The following OPA1 variants were observed in gnomAD, a reference collection of about 807,000 sequenced individuals.
OPA1 encodes the protein OPA1 mitochondrial dynamin like GTPase.
Under a neutral mutation model 152.9 loss-of-function variants are expected in OPA1, and 59 were observed. The ratio of observed to expected loss-of-function variants is 0.39; its 90% CI spans 0.31 to 0.48. The LOEUF is 0.48. Ranked by LOEUF, OPA1 falls within the 20% of genes least tolerant of loss-of-function variation. OPA1 has a pLI of 0.96. For missense variants in OPA1, 1,008 were observed against 1,216.8 expected, an observed-to-expected ratio of 0.83 and a Z score of 2.55; for synonymous variants, 400 against 389.9, an observed-to-expected ratio of 1.03 and a Z score of -0.31.
At chr3:193,620,856 T>C (rs1038210259) in intron 6 of OPA1, among the ~76,000 whole-genome samples, 2 of 152,248 alleles carry the variant, frequency 1.3e-5, no homozygotes, top group Non-Finnish European at 2.9e-5. Flanking sequence ...TCAGCTAAAC[T>C]GAGTGATTTT....
intron 3 of OPA1, among the ~76,000 whole-genome samples, chr3:193,616,930 A>G (rs1365241626): frequency 6.6e-6 from 1 of 152,190 alleles, no homozygotes; most frequent in Non-Finnish European, 1.5e-5. Flanking sequence ...AAATTGATGT[A>G]TTTGCCAGTA....
chr3:193,671,082 G>A (rs1007865287), intron 29 of OPA1, among the ~76,000 whole-genome samples: 1 of 152,108 alleles, frequency 6.6e-6, no homozygotes, highest in Non-Finnish European at 1.5e-5. Flanking sequence ...ATATAAATAA[G>A]GGAATAAAAC....
chr3:193,659,511 C>G lies in OPA1; in HGVS notation c.2470C>G (p.Pro824Ala), dbSNP rs774613690. 1 of 1,611,294 alleles carries G rather than the reference C, an allele frequency of 6.2e-7. No homozygotes were observed. The highest frequency in any genetic ancestry group is 8.5e-7 in the Non-Finnish European group (1 of 1,178,700). ...AAATGCAATTGAAAACATGGTGGGT[C>G]CAGACTGGAAAAAGAGGTGGTTATA... is the stretch of plus-strand genomic sequence containing the variant. ...TENAIENMVG[P>A]DWKKRWLYWK... The change falls in exon 25 of 31, where the codon CCA becomes GCA. Residue 824 changes from proline to alanine, a missense_variant. By Grantham distance (27) the Pro-to-Ala change is conservative. Around this residue, in one of 7 missense-constraint regions of OPA1, gnomAD observed 229 missense variants for 269.0 expected, o/e 0.85. Transcript: ENST00000361510.
At chr3:193,664,133 A>G (rs1047855824) in intron 26 of OPA1, among the ~76,000 whole-genome samples, 1 of 152,080 alleles carries the variant, frequency 6.6e-6, no homozygotes, top group Admixed American at 6.6e-5. Flanking sequence ...AGGTTTTTTA[A>G]GTGACAGTTT....
rs538158463 is a variant in OPA1, at chr3:193,661,599, T to A, written c.2521-1223T>A. Among the ~76,000 whole-genome samples the A allele has an allele frequency of 5.9e-5, 9 of 152,354 alleles. No homozygotes were observed. The East Asian group carries it at 1.7e-3, about 29-fold the overall frequency. On this transcript the variant is annotated intron_variant, in intron 25 of 30. Transcript: ENST00000361510. ...ACTTAAAGATGAGAAATCCATTCTC[T>A]GAAAAGTATTTTGTGCTTTTGTGTT... is the stretch of plus-strand genomic sequence containing the variant.
In OPA1 at chr3:193,657,066, T is replaced by G; in HGVS notation, c.2179-14T>G. ...TAGTAATAATATGGCTTTTTTTCTTTCAAATAATTATAGGTTGCTTGGGAG... is the reference window on the plus strand; with the variant it reads ...TAGTAATAATATGGCTTTTTTTCTTGCAAATAATTATAGGTTGCTTGGGAG... On this transcript the variant is annotated splice_polypyrimidine_tract_variant and intron_variant, in intron 22 of 30. Transcript: ENST00000361510. 1 of 1,598,214 alleles carries G rather than the reference T, an allele frequency of 6.3e-7. No individual in the cohort carries two copies. Among genetic ancestry groups the G allele is most frequent in the African/African-American group, 1.4e-5 (1 of 73,900 alleles).
At chr3:193,666,240 A>G (rs1577331587) in intron 27 of OPA1, 56 bp from the exon 28 acceptor site, 2 of 1,446,148 alleles carry the variant, frequency 1.4e-6, no homozygotes, top group Admixed American at 1.7e-5. Flanking sequence ...TGTGTTTACG[A>G]TGATAGTTTT....
Position 193,652,200 on chromosome 3 carries a change from G to C in OPA1, c.2013-2662G>C, listed in dbSNP as rs576926979. ...ATTCAAGACCAACCTGGGCAACATG[G>C]TGAAAACCCTGTCTCTAATAAATAT... On this transcript the variant is annotated intron_variant, in intron 21 of 30. Transcript: ENST00000361510. Among the ~76,000 whole-genome samples, 15 of 152,170 alleles carry C rather than the reference G, an allele frequency of 9.9e-5. No individual in the cohort carries two copies. The South Asian group carries it at 1.0e-3, about 11-fold the overall frequency.
intron 29 of OPA1, chr3:193,668,502 C>G (rs1384379370): frequency 1.3e-6 from 2 of 1,550,144 alleles, no homozygotes; most frequent in Non-Finnish European, 1.7e-6. Context: ...TCCATCTCAT[C>G]CTTCCCACCC....
chr3:193,677,244 CTT>C (rs1359816966), intron 29 of OPA1, among the ~76,000 whole-genome samples: 8 of 146,642 alleles, frequency 5.5e-5, no homozygotes, highest in South Asian at 2.2e-4. Flanking sequence ...TGAAAATACT[CTT>C]AATGTATTCA....
In OPA1 at chr3:193,615,749, A is replaced by G; in HGVS notation, c.427A>G (p.Ile143Val). The G allele has an allele frequency of 6.2e-7, 1 of 1,608,200 alleles. No individual in the cohort carries two copies. The highest frequency in any genetic ancestry group is 8.5e-7 in the Non-Finnish European group (1 of 1,174,660). The change falls in exon 3 of 31, where the codon ATT (isoleucine) becomes GTT (valine). Residue 143 changes from isoleucine to valine, a missense_variant. Ile to Val is a conservative substitution (Grantham distance 29). Around this residue, in one of 7 missense-constraint regions of OPA1, gnomAD observed 408 missense variants for 395.1 expected, o/e 1.03. Transcript: ENST00000361510. ...KWIVPDIVWE[I>V]DEYIDFEKIR... ...GATTGTGCCTGACATTGTGTGGGAA[A>G]TTGATGAGTATATCGATTTTGGTTT...
chr3:193,634,260 T>TG (rs1553875840), intron 8 of OPA1, among the ~76,000 whole-genome samples: 1 of 146,644 alleles, frequency 6.8e-6, no homozygotes, highest in Non-Finnish European at 1.5e-5. Context: ...AGACGGAAAA[T>TG]GTGTAGACAA....
intron 8 of OPA1, among the ~76,000 whole-genome samples, chr3:193,633,363 C>G (rs993186315): frequency 6.6e-6 from 1 of 152,198 alleles, no homozygotes; most frequent in African/African-American, 2.4e-5. Context: ...TAGCACATCT[C>G]TTCAGGATGG....
In OPA1 at chr3:193,684,837, T is replaced by TATAAAA. The variant is rs1247191464; in HGVS notation, c.2984-7226_2984-7225insATAAAA. ...TTGCCATCCACTTAAGAAAGTTGAGTGGTCTAACAAGTATAAAAGCCTAAA... is the reference window on the plus strand; with the variant it reads ...TTGCCATCCACTTAAGAAAGTTGAGTATAAAAGGTCTAACAAGTATAAAAGCCTAAA... On this transcript the variant is annotated intron_variant, in intron 29 of 30. Coordinates refer to ENST00000361510, the MANE Select transcript of OPA1 (RefSeq NM_130837.3). Among the ~76,000 whole-genome samples, 119 of 152,196 alleles carry TATAAAA rather than the reference T, an allele frequency of 7.8e-4. 1 individual carries two copies. Among genetic ancestry groups the TATAAAA allele is most frequent in the African/African-American group, 2.8e-3 (115 of 41,516 alleles).
intron 1 of OPA1, among the ~76,000 whole-genome samples, chr3:193,604,869 A>AAAAAAAAG (rs1553867624): frequency 0.019 from 2,819 of 145,676 alleles, 135 homozygotes; most frequent in African/African-American, 0.07. Flanking sequence ...TCAAAAAAAA[A>AAAAAAAAG]AAAAAAGAAA....
In OPA1 at chr3:193,615,824, A is replaced by G. The variant is rs1003985532; in HGVS notation, c.448+54A>G. On this transcript the variant is annotated intron_variant, in intron 3 of 30. Transcript: ENST00000361510. ...TTTTGGTCATCTCGAGGAAAGAGAA[A>G]TAGTTTATTGAGATAGTTTCTTAAC... 21 of 992,968 alleles carry G rather than the reference A, an allele frequency of 2.1e-5. No homozygotes were observed. The African/African-American group carries it at 2.4e-4, about 11-fold the overall frequency. 61.5% of individuals were successfully genotyped at this position (992,968 alleles called of 1,614,324 possible).
intron 1 of OPA1, among the ~76,000 whole-genome samples, chr3:193,595,411 A>T (rs1725331987): frequency 1.3e-5 from 2 of 152,256 alleles, no homozygotes; most frequent in South Asian, 4.1e-4. Flanking sequence ...AATGAACAAG[A>T]GAGTAGATTT....
chr3:193,624,118 C>T (rs536031969), intron 6 of OPA1: 4 of 152,444 alleles, frequency 2.6e-5, no homozygotes, highest in South Asian at 2.1e-4. Context: ...GCAGTGAATT[C>T]GAGAGGAATT....
chr3:193,694,673 C>T lies in OPA1; in HGVS notation c.*73C>T, dbSNP rs1026824159. 3.9e-5 allele frequency: 6 copies of T among 152,326 alleles called. No homozygotes were observed. In the East Asian group the frequency reaches 9.6e-4, roughly 24 times the overall value. The allele number at this position is 152,326 out of a possible 1,614,324, so 9.4% of individuals were successfully genotyped here. ...AACATCAACGTCTTTTGTCCAGCCT[C>T]TTTTTCTTCTGCTGTTCCACCTTTC... On this transcript the variant is annotated 3_prime_UTR_variant, in exon 31 of 31. Coordinates refer to ENST00000361510, the MANE Select transcript of OPA1 (RefSeq NM_130837.3).
Sources: gnomAD v4.1 joint callset for allele counts (sites outside exome capture counted in the v4.1 genomes callset) on GRCh38, gnomAD v4.1.1 for gene constraint, gnomAD v4.1.1 regional missense constraint, MANE v1.5 for transcripts, NCBI Gene and HGNC (gene_info 2026-07-23, HGNC 2026-07-21) for gene names.